Variants in SYN3 observed in about 807,000 individuals in gnomAD.
SYN3 encodes synapsin-3.
Under a neutral mutation model 65.8 loss-of-function variants are expected in SYN3, and 35 were observed. That is an observed-to-expected ratio of 0.53 (90% CI 0.41 to 0.70). The LOEUF (loss-of-function observed/expected upper bound fraction) is 0.70. Among genes scored for constraint, SYN3 ranks in the 30% least tolerant of loss-of-function variants. The pLI, the probability that SYN3 is intolerant of heterozygous loss-of-function variation, is 0.00. For missense variants in SYN3, 680 were observed against 749.0 expected (o/e 0.91, Z 1.08); for synonymous variants, 270 against 292.9 (o/e 0.92, Z 0.80).
At position 32,729,992 on chromosome 22, in the gene SYN3, A is replaced by G. The variant is rs150953070; in HGVS notation, c.712-133256T>C. 3.0e-3 allele frequency among the ~76,000 whole-genome samples: 464 copies of G among 152,320 alleles called. 2 individuals carry two copies. Among genetic ancestry groups the G allele is most frequent in the African/African-American group, 0.01 (425 of 41,560 alleles). On this transcript the variant is annotated intron_variant, in intron 6 of 13. Transcript: ENST00000358763. ...GATAATGACTGCTTTCTATAATACT[A>G]CTACTAATGCTCACGAGATGGATGA...
In SYN3 at chr22:32,599,711, A is replaced by G. The variant is rs528328443; in HGVS notation, c.712-2975T>C. 2.0e-4 allele frequency among the ~76,000 whole-genome samples: 31 copies of G among 152,222 alleles called. No individual in the cohort carries two copies. In the South Asian group the frequency reaches 6.0e-3, roughly 30 times the overall value. On this transcript the variant is annotated intron_variant, in intron 6 of 13. Coordinates refer to ENST00000358763, the MANE Select transcript of SYN3 (RefSeq NM_003490.4). ...CATATGCATATCTGGGGTGTAATAA[A>G]TGCTCCCCACCCCCCATGATAGTGA...
chr22:32,990,407 GCCAT>G (rs133923), intron 2 of SYN3, among the ~76,000 whole-genome samples: 42,900 of 144,422 alleles, frequency 0.3, 6,507 homozygotes, highest in Non-Finnish European at 0.34. Flanking sequence ...CATCCATCCA[GCCAT>G]CCATCCATCC....
At chr22:32,822,506 C>T (rs1189386873) in intron 6 of SYN3, among the ~76,000 whole-genome samples, 1 of 152,226 alleles carries the variant, frequency 6.6e-6, no homozygotes, top group East Asian at 1.9e-4. Flanking sequence ...TCGAAAGCCT[C>T]AAACATGTGC....
chr22:32,684,804 G>T (rs764336499), intron 6 of SYN3, among the ~76,000 whole-genome samples: 1 of 152,112 alleles, frequency 6.6e-6, no homozygotes, highest in Non-Finnish European at 1.5e-5. Context: ...TTCAAGTTCC[G>T]GCTCTTCCAA....
intron 6 of SYN3, among the ~76,000 whole-genome samples, chr22:32,735,152 T>C: frequency 6.6e-6 from 1 of 152,208 alleles, no homozygotes; most frequent in South Asian, 2.1e-4. Context: ...GCTCTGTGTG[T>C]GTTGAGGGGC....
intron 6 of SYN3, among the ~76,000 whole-genome samples, chr22:32,604,777 G>A (rs1029766397): frequency 3.9e-5 from 6 of 152,056 alleles, no homozygotes; most frequent in South Asian, 2.1e-4. Context: ...AGGCTGAGGC[G>A]GGCAGATGAC....
intron 3 of SYN3, among the ~76,000 whole-genome samples, chr22:32,944,553 A>C (rs1205116609): frequency 6.6e-6 from 1 of 152,172 alleles, no homozygotes; most frequent in African/African-American, 2.4e-5. Context: ...TCAAAATAAT[A>C]AGAGCTATTT....
intron 6 of SYN3, among the ~76,000 whole-genome samples, chr22:32,636,319 G>A (rs1490394205): frequency 1.3e-5 from 2 of 151,454 alleles, no homozygotes; most frequent in East Asian, 1.9e-4. Flanking sequence ...GGAGAATGGC[G>A]TGAACCCGGG....
chr22:32,801,902 G>T lies in SYN3; in HGVS notation c.711+63013C>A. ...AGGCCAAGGTTGCCCCGCACGGCCC[G>T]GCGGGCGAGCGAGCTCGGGCTGCAG... On this transcript the variant is annotated intron_variant, in intron 6 of 13. Coordinates refer to ENST00000358763, the MANE Select transcript of SYN3 (RefSeq NM_003490.4). The surrounding 1 kb of genome is among the most constrained non-coding windows in gnomAD (Gnocchi z 4.7). The T allele has an allele frequency of 7.2e-7, 1 of 1,389,870 alleles. No individual in the cohort carries two copies. The highest frequency in any genetic ancestry group is 1.6e-5 in the South Asian group (1 of 64,186). The allele number at this position is 1,389,870 out of a possible 1,614,324, so 86.1% of individuals were successfully genotyped here.
chr22:32,908,756 T>A (rs1485715864), intron 4 of SYN3, among the ~76,000 whole-genome samples: 1 of 152,208 alleles, frequency 6.6e-6, no homozygotes, highest in African/African-American at 2.4e-5. Context: ...ATTAGGACCC[T>A]GACCTCTAGG....
At chr22:32,685,585 T>A (rs1441083984) in intron 6 of SYN3, among the ~76,000 whole-genome samples, 1 of 152,216 alleles carries the variant, frequency 6.6e-6, no homozygotes, top group African/African-American at 2.4e-5. Flanking sequence ...GTACATAGCA[T>A]GCTGCATAGG....
intron 6 of SYN3, chr22:32,857,952 G>C: frequency 6.2e-7 from 1 of 1,612,964 alleles, no homozygotes. Context: ...TAGTAGGTGT[G>C]AATTCTCTCT....
intron 6 of SYN3, among the ~76,000 whole-genome samples, chr22:32,658,860 G>A (rs2060178380): frequency 1.3e-5 from 2 of 152,316 alleles, no homozygotes; most frequent in East Asian, 3.9e-4. Flanking sequence ...GGGGGCGTGA[G>A]GAAGCATGTT....
At chr22:32,715,507 G>A (rs777381216) in intron 6 of SYN3, among the ~76,000 whole-genome samples, 21 of 152,276 alleles carry the variant, frequency 1.4e-4, no homozygotes, top group South Asian at 2.1e-4. Context: ...ATGGCTGGGC[G>A]CGGTGGCTCA....
chr22:33,042,346 C>T (rs2053980203), intron 1 of SYN3, among the ~76,000 whole-genome samples: 1 of 152,214 alleles, frequency 6.6e-6, no homozygotes, highest in Admixed American at 6.5e-5. Context: ...CACCTGTCTA[C>T]AGCACCTCTC....
intron 7 of SYN3, among the ~76,000 whole-genome samples, chr22:32,544,667 C>T (rs1244596597): frequency 6.6e-6 from 1 of 152,218 alleles, no homozygotes; most frequent in African/African-American, 2.4e-5. Flanking sequence ...TATGTTGCCA[C>T]CTCTTCTTCC....
chr22:32,971,937 G>A (rs528686504), intron 3 of SYN3, among the ~76,000 whole-genome samples: 24 of 152,234 alleles, frequency 1.6e-4, no homozygotes, highest in South Asian at 4.1e-4. Context: ...CTCTGAAGCC[G>A]GACAGCCCTT....
intron 6 of SYN3, among the ~76,000 whole-genome samples, chr22:32,778,697 G>C (rs867636188): frequency 1.6e-4 from 24 of 152,266 alleles, no homozygotes; most frequent in Admixed American, 8.5e-4. Flanking sequence ...GGAATCCCTA[G>C]GACTTGCATT....
chr22:32,536,954 T>C (rs887049835), intron 9 of SYN3, among the ~76,000 whole-genome samples: 6 of 152,200 alleles, frequency 3.9e-5, no homozygotes, highest in African/African-American at 1.2e-4. Context: ...GAGGGAAGGA[T>C]TGGATTTTTT....
Sources: allele counts gnomAD v4.1 joint callset (sites outside exome capture counted in the v4.1 genomes callset), GRCh38; gene constraint gnomAD v4.1.1; non-coding constraint Gnocchi (gnomAD v3.1); transcripts MANE v1.5; gene names NCBI Gene and HGNC (gene_info 2026-07-23, HGNC 2026-07-21).